Variants in PTPRM observed in about 807,000 individuals in gnomAD.
PTPRM encodes protein tyrosine phosphatase receptor type M.
A neutral mutation model predicts 186.7 loss-of-function variants in PTPRM; 47 were observed. That is an observed-to-expected ratio of 0.25 (90% confidence interval 0.20 to 0.32). PTPRM has a LOEUF of 0.32. Ranked by LOEUF, PTPRM falls within the 10% of genes least tolerant of loss-of-function variation. The pLI is 1.00. For synonymous variants in PTPRM, 668 were observed against 674.9 expected (o/e 0.99, Z 0.16); for missense variants, 1,494 against 1,865.0 (o/e 0.80, Z 3.66).
intron 14 of PTPRM, among the ~76,000 whole-genome samples, chr18:8,243,735 T>C (rs2094452794): frequency 6.6e-6 from 1 of 152,260 alleles, no homozygotes; most frequent in Non-Finnish European, 1.5e-5. Context: ...AATTAGATTA[T>C]GATTGTGTTG....
At chr18:8,120,553 C>A (rs554130654) in intron 13 of PTPRM, among the ~76,000 whole-genome samples, 10 of 146,712 alleles carry the variant, frequency 6.8e-5, no homozygotes, top group Non-Finnish European at 3.0e-5. Context: ...AGTGTAGTGG[C>A]GCGATCTCTG....
At chr18:7,793,063 A>G (rs563152384) in intron 2 of PTPRM, among the ~76,000 whole-genome samples, 6 of 152,334 alleles carry the variant, frequency 3.9e-5, no homozygotes, top group Admixed American at 6.5e-5. Context: ...CACAATTAAA[A>G]GCTGGACATT....
intron 6 of PTPRM, among the ~76,000 whole-genome samples, chr18:7,952,550 G>T (rs952631203): frequency 6.6e-6 from 1 of 151,902 alleles, no homozygotes; most frequent in African/African-American, 2.4e-5. Flanking sequence ...TACAAAATTA[G>T]CCGGGCATGG....
chr18:8,344,618 C>T (rs1042983764), intron 23 of PTPRM, among the ~76,000 whole-genome samples: 2 of 151,674 alleles, frequency 1.3e-5, no homozygotes, highest in Non-Finnish European at 2.9e-5. Context: ...TTTAGCTTAG[C>T]CCTTAATAAA....
rs67662119 is a variant in PTPRM at position 7,705,279 on chromosome 18, TTATCTATCTATCTATC to T, written c.74-68836_74-68821del. Among the ~76,000 whole-genome samples, 697 of 146,596 alleles carry T rather than the reference TTATCTATCTATCTATC, an allele frequency of 4.8e-3. 3 individuals carry two copies. The highest frequency in any genetic ancestry group is 0.01 in the African/African-American group (405 of 39,510). ...ATCTAAAATATTTGAAAATATCTAT[TTATCTATCTATCTATC>T]TATCTATCTATCTATCTATCTATCT... is the stretch of plus-strand genomic sequence containing the variant. On this transcript the variant is annotated intron_variant, in intron 1 of 32. Coordinates refer to ENST00000580170, the MANE Select transcript of PTPRM (RefSeq NM_001105244.2).
At chr18:8,190,522 G>A (rs2093696728) in intron 14 of PTPRM, among the ~76,000 whole-genome samples, 1 of 152,144 alleles carries the variant, frequency 6.6e-6, no homozygotes, top group Non-Finnish European at 1.5e-5. Context: ...AGTTGTTCTA[G>A]TCTTCCTTCC....
intron 1 of PTPRM, among the ~76,000 whole-genome samples, chr18:7,671,786 T>C (rs2039222557): frequency 6.6e-6 from 1 of 152,184 alleles, no homozygotes; most frequent in Non-Finnish European, 1.5e-5. Context: ...ATAAAATCTT[T>C]AAACATAAAT....
At chr18:7,737,024 G>A (rs754637583) in intron 1 of PTPRM, among the ~76,000 whole-genome samples, 5 of 152,214 alleles carry the variant, frequency 3.3e-5, no homozygotes, top group Non-Finnish European at 5.9e-5. Flanking sequence ...GGCTGGTCTC[G>A]AACTCCTGAT....
intron 14 of PTPRM, among the ~76,000 whole-genome samples, chr18:8,232,858 G>A (rs1019697995): frequency 6.6e-6 from 1 of 152,192 alleles, no homozygotes; most frequent in Non-Finnish European, 1.5e-5. Flanking sequence ...GTGAACAAGG[G>A]CCCTGAGCTG....
rs78537097 is a variant in PTPRM, at chr18:8,173,581, G to A, written c.2300+29802G>A. Among the ~76,000 whole-genome samples, 15 of 152,270 alleles carry A rather than the reference G, an allele frequency of 9.9e-5. No individual in the cohort carries two copies. The East Asian group carries it at 1.4e-3, about 14-fold the overall frequency. On this transcript the variant is annotated intron_variant, in intron 14 of 32. Transcript: ENST00000580170. The stretch of plus-strand genomic sequence containing the variant: ...AATAAAGAAAGAGCACAATTGACAC[G>A]AGGTCGGCTATGCCATGTAGGAGAC...
At chr18:7,839,832 T>C (rs1340933891) in intron 2 of PTPRM, among the ~76,000 whole-genome samples, 6 of 152,234 alleles carry the variant, frequency 3.9e-5, no homozygotes, top group Non-Finnish European at 7.4e-5. Flanking sequence ...TTTAACTTGC[T>C]TGAGAGGCAT....
At chr18:7,974,260 A>G (rs1369645367) in intron 7 of PTPRM, among the ~76,000 whole-genome samples, 2 of 152,160 alleles carry the variant, frequency 1.3e-5, no homozygotes, top group Non-Finnish European at 2.9e-5. Context: ...GCTGAGAGGT[A>G]TTCTCCTAGG....
At chr18:8,351,312 C>G (rs1206011561) in intron 23 of PTPRM, among the ~76,000 whole-genome samples, 1 of 152,190 alleles carries the variant, frequency 6.6e-6, no homozygotes. Context: ...AATCAGAAGG[C>G]CTTGGCTCTT....
In PTPRM at chr18:8,253,214, CT is replaced by C; in HGVS notation, c.2567-11del. ...GGCTCTCCCTCATTTTCTCCCTGGC[CT>C]TCTTTTCCTAGATGAAACCCACACA... On this transcript the variant is annotated splice_polypyrimidine_tract_variant and intron_variant, in intron 18 of 32. Transcript: ENST00000580170. 7.1e-7 allele frequency: 1 copy of C among 1,409,766 alleles called. No individual in the cohort carries two copies. The highest frequency in any genetic ancestry group is 2.6e-5 in the Admixed American group (1 of 38,422). 87.3% of individuals were successfully genotyped at this position (1,409,766 alleles called of 1,614,324 possible).
At chr18:7,916,591 G>C (rs547051360) in intron 4 of PTPRM, among the ~76,000 whole-genome samples, 1 of 152,070 alleles carries the variant, frequency 6.6e-6, no homozygotes, top group African/African-American at 2.4e-5. Context: ...AGACAGAGGG[G>C]GAAAGAGCTG....
chr18:7,783,897 G>A (rs2042977856), intron 2 of PTPRM, among the ~76,000 whole-genome samples: 2 of 151,962 alleles, frequency 1.3e-5, no homozygotes, highest in South Asian at 4.2e-4. Flanking sequence ...GGAAGCCACT[G>A]TGCCCAGCCC....
intron 7 of PTPRM, among the ~76,000 whole-genome samples, chr18:7,985,964 T>C (rs1404221370): frequency 6.6e-6 from 1 of 151,952 alleles, no homozygotes; most frequent in Non-Finnish European, 1.5e-5. Context: ...TATTTCAGAG[T>C]CGGGATACAT....
At chr18:8,366,319 C>G (rs2095629065) in intron 23 of PTPRM, among the ~76,000 whole-genome samples, 1 of 152,198 alleles carries the variant, frequency 6.6e-6, no homozygotes, top group Non-Finnish European at 1.5e-5. Context: ...ACAGTGTGGT[C>G]CAGAGACCAC....
intron 2 of PTPRM, among the ~76,000 whole-genome samples, chr18:7,849,557 G>A (rs1049636902): frequency 1.3e-5 from 2 of 152,224 alleles, no homozygotes; most frequent in Non-Finnish European, 2.9e-5. Context: ...TACTAACAGT[G>A]AGGCACTTTT....
Sources: allele counts gnomAD v4.1 joint callset (sites outside exome capture counted in the v4.1 genomes callset), GRCh38; gene constraint gnomAD v4.1.1; transcripts MANE v1.5; gene names NCBI Gene and HGNC (gene_info 2026-07-23, HGNC 2026-07-21).